The following RBFOX1 variants were observed in gnomAD, a reference collection of about 807,000 sequenced individuals.
RBFOX1 encodes the protein RNA binding protein fox-1 homolog 1.
RBFOX1 carries 8 observed loss-of-function variants against 57.7 expected under a neutral mutation model. The ratio of observed to expected loss-of-function variants is 0.14; its 90% CI spans 0.08 to 0.25. RBFOX1 has a LOEUF of 0.25. RBFOX1 is among the 10% of genes least tolerant of loss of function. The pLI, the probability that RBFOX1 is intolerant of heterozygous loss-of-function variation, is 1.00. For missense variants in RBFOX1, 611 were observed against 548.5 expected (o/e 1.11, Z -1.14); for synonymous variants, 326 against 222.4 (o/e 1.47, Z -4.15).
intron 4 of RBFOX1, among the ~76,000 whole-genome samples, chr16:5,969,428 C>T (rs1295700898): frequency 6.7e-6 from 1 of 149,988 alleles, no homozygotes; most frequent in African/African-American, 2.4e-5. Flanking sequence ...TCTCCTGCCT[C>T]AGCCTCCCAA....
chr16:7,496,207 G>A (rs2068586567), intron 4 of RBFOX1, among the ~76,000 whole-genome samples: 1 of 152,154 alleles, frequency 6.6e-6, no homozygotes, highest in Admixed American at 6.6e-5. Flanking sequence ...ACAGTGGCAT[G>A]ATCTCAGCTC....
chr16:6,712,895 T>G (rs892574730), intron 3 of RBFOX1, among the ~76,000 whole-genome samples: 12 of 118,558 alleles, frequency 1.0e-4, no homozygotes, highest in African/African-American at 3.4e-4. Flanking sequence ...TTTTTTTTTT[T>G]TTTTTTTTTT....
At chr16:7,149,483 CTTTTTTTTT>C (rs60001454) in intron 4 of RBFOX1, among the ~76,000 whole-genome samples, 1 of 122,276 alleles carries the variant, frequency 8.2e-6, no homozygotes, top group African/African-American at 3.1e-5. Context: ...TCTTTCTTTC[CTTTTTTTTT>C]TTTTTTTTTT....
intron 3 of RBFOX1, among the ~76,000 whole-genome samples, chr16:6,985,167 A>C (rs1309469432): frequency 7.4e-6 from 1 of 134,380 alleles, no homozygotes; most frequent in East Asian, 2.4e-4. Context: ...TCTGTAGCAT[A>C]GTATGGTTTA....
chr16:5,401,289 A>G (rs988925693), intron 1 of RBFOX1, among the ~76,000 whole-genome samples: 1 of 152,220 alleles, frequency 6.6e-6, no homozygotes, highest in African/African-American at 2.4e-5. Flanking sequence ...CCATAAATAT[A>G]CAAGTTCCTA....
chr16:7,105,448 C>G (rs1432467585), intron 4 of RBFOX1, among the ~76,000 whole-genome samples: 1 of 152,052 alleles, frequency 6.6e-6, no homozygotes, highest in African/African-American at 2.4e-5. Context: ...ATACACTGCA[C>G]CCAATTTGTA....
At chr16:7,288,171 G>A (rs1248594076) in intron 4 of RBFOX1, among the ~76,000 whole-genome samples, 3 of 152,174 alleles carry the variant, frequency 2.0e-5, no homozygotes, top group African/African-American at 7.2e-5. Flanking sequence ...GCACCCTGGG[G>A]AAGCGGCACC....
At chr16:7,188,670 A>T (rs1387935610) in intron 4 of RBFOX1, among the ~76,000 whole-genome samples, 1 of 152,116 alleles carries the variant, frequency 6.6e-6, no homozygotes, top group African/African-American at 2.4e-5. Context: ...TGAGTTGAAC[A>T]TGTCCTGCAG....
At chr16:7,365,286 C>T (rs2097420656) in intron 4 of RBFOX1, among the ~76,000 whole-genome samples, 1 of 152,134 alleles carries the variant, frequency 6.6e-6, no homozygotes, top group Admixed American at 6.5e-5. Flanking sequence ...AGGACCTTGC[C>T]ACTTATTTTG....
chr16:6,566,914 C>T (rs1375165818), intron 2 of RBFOX1, among the ~76,000 whole-genome samples: 1 of 152,130 alleles, frequency 6.6e-6, no homozygotes, highest in East Asian at 1.9e-4. Flanking sequence ...AGTCTTTGAA[C>T]ATAGACCACA....
At chr16:7,448,493 G>T (rs147432563) in intron 4 of RBFOX1, among the ~76,000 whole-genome samples, 1 of 152,242 alleles carries the variant, frequency 6.6e-6, no homozygotes, top group Non-Finnish European at 1.5e-5. Flanking sequence ...AAAACCATCA[G>T]CTCTCATAAG....
At chr16:5,831,334 G>C (rs1017184875) in intron 3 of RBFOX1, among the ~76,000 whole-genome samples, 7 of 152,112 alleles carry the variant, frequency 4.6e-5, no homozygotes, top group Non-Finnish European at 7.4e-5. Context: ...TCTCTATCTT[G>C]CTCCTGCTCT....
intron 3 of RBFOX1, among the ~76,000 whole-genome samples, chr16:5,855,565 C>G (rs1270954757): frequency 6.6e-6 from 1 of 152,136 alleles, no homozygotes; most frequent in African/African-American, 2.4e-5. Flanking sequence ...GCTCTCTATT[C>G]TGTTCCATTG....
At chr16:6,255,980 C>G (rs2097658819) in intron 1 of RBFOX1, among the ~76,000 whole-genome samples, 1 of 151,032 alleles carries the variant, frequency 6.6e-6, no homozygotes, top group Non-Finnish European at 1.5e-5. Context: ...ATGGGTGCAG[C>G]AAACCACCAT....
rs138065453 is a variant in RBFOX1, at chr16:6,863,584, T to C, written c.-15-188473T>C. 5.6e-4 allele frequency among the ~76,000 whole-genome samples: 85 copies of C among 151,242 alleles called. 1 individual carries two copies. The highest frequency in any genetic ancestry group is 3.4e-3 in the Middle Eastern group (1 of 294). The stretch of plus-strand genomic sequence containing the variant: ...TAAATAACATTAAAGATGTGATCTG[T>C]TCCTGGACGCCATTTTTATCTTCTT... On this transcript the variant is annotated intron_variant, in intron 3 of 15. Transcript: ENST00000550418.
chr16:5,890,450 C>G (rs140928359), intron 4 of RBFOX1, among the ~76,000 whole-genome samples: 27 of 152,108 alleles, frequency 1.8e-4, no homozygotes, highest in African/African-American at 6.3e-4. Context: ...TGTAATCCCA[C>G]CACTTTGGGA....
intron 4 of RBFOX1, among the ~76,000 whole-genome samples, chr16:7,078,685 T>A (rs1443265167): frequency 7.1e-6 from 1 of 141,240 alleles, no homozygotes; most frequent in Admixed American, 6.9e-5. Context: ...TTATTTATTT[T>A]ATTTTATTTT....
At chr16:7,411,543 A>G (rs2098425125) in intron 4 of RBFOX1, among the ~76,000 whole-genome samples, 1 of 152,210 alleles carries the variant, frequency 6.6e-6, no homozygotes, top group African/African-American at 2.4e-5. Flanking sequence ...AATTGTAAGA[A>G]AAACATCAGT....
chr16:5,525,317 A>G (rs946862606), intron 2 of RBFOX1, among the ~76,000 whole-genome samples: 2 of 151,954 alleles, frequency 1.3e-5, no homozygotes, highest in African/African-American at 4.8e-5. Context: ...TAAGAGTTTT[A>G]TAGGAACCCT....
Sources: gnomAD v4.1 joint callset for allele counts (sites outside exome capture counted in the v4.1 genomes callset) on GRCh38, gnomAD v4.1.1 for gene constraint, MANE v1.5 for transcripts, NCBI Gene and HGNC (gene_info 2026-07-23, HGNC 2026-07-21) for gene names.